The following ENTHD1 variants were observed in gnomAD, a reference collection of about 807,000 sequenced individuals.
ENTHD1 encodes the protein ENTH domain containing 1, also known as ENTH domain-containing protein 1.
Under a neutral mutation model 39.1 loss-of-function variants are expected in ENTHD1, and 23 were observed. The observed-to-expected ratio is 0.59, with a 90% CI of 0.42 to 0.83. ENTHD1 has a LOEUF of 0.83. Ranked by LOEUF, ENTHD1 falls within the 40% of genes least tolerant of loss-of-function variation. The pLI, the probability that ENTHD1 is intolerant of heterozygous loss-of-function variation, is 0.00. For missense variants in ENTHD1, 624 were observed against 705.4 expected (o/e 0.88, Z 1.31); for synonymous variants, 230 against 258.2 (o/e 0.89, Z 1.05).
At chr22:39,798,555 T>C (rs985206093) in intron 5 of ENTHD1, among the ~76,000 whole-genome samples, 1 of 152,084 alleles carries the variant, frequency 6.6e-6, no homozygotes, top group African/African-American at 2.4e-5. Flanking sequence ...CTGTGGTTGT[T>C]AGTAGGGGGC....
chr22:39,826,246 T>C (rs551572502), intron 4 of ENTHD1, among the ~76,000 whole-genome samples: 17 of 152,210 alleles, frequency 1.1e-4, no homozygotes, highest in Non-Finnish European at 2.4e-4. Context: ...GGTTATCTCT[T>C]GTCTCATCCT....
At chr22:39,863,759 T>C (rs1161879162) in intron 2 of ENTHD1, among the ~76,000 whole-genome samples, 1 of 152,198 alleles carries the variant, frequency 6.6e-6, no homozygotes, top group Non-Finnish European at 1.5e-5. Flanking sequence ...ATTAATGTTT[T>C]CTAACTATAA....
intron 5 of ENTHD1, among the ~76,000 whole-genome samples, chr22:39,779,407 T>C (rs986902891): frequency 6.6e-6 from 1 of 151,800 alleles, no homozygotes; most frequent in African/African-American, 2.4e-5. Flanking sequence ...AAGATCCAAA[T>C]AGAACTTCTA....
At chr22:39,852,452 C>T (rs1303614984) in intron 3 of ENTHD1, among the ~76,000 whole-genome samples, 6 of 152,048 alleles carry the variant, frequency 3.9e-5, no homozygotes, top group South Asian at 4.2e-4. Context: ...AATGGTTTTC[C>T]GAAACAAAAA....
chr22:39,774,093 A>ACAGAC (rs2065348925), intron 5 of ENTHD1, among the ~76,000 whole-genome samples: 1 of 152,186 alleles, frequency 6.6e-6, no homozygotes, highest in South Asian at 2.1e-4. Context: ...AGACGTCTTG[A>ACAGAC]CAGACAGGAT....
chr22:39,783,306 A>G (rs1056745181), intron 5 of ENTHD1, among the ~76,000 whole-genome samples: 16 of 151,856 alleles, frequency 1.1e-4, no homozygotes, highest in Non-Finnish European at 2.2e-4. Context: ...AAGATTTTCA[A>G]TGCTCAATGA....
chr22:39,778,039 G>A (rs920890958), intron 5 of ENTHD1, among the ~76,000 whole-genome samples: 1 of 152,184 alleles, frequency 6.6e-6, no homozygotes, highest in Non-Finnish European at 1.5e-5. Flanking sequence ...AACCCTACAG[G>A]TGATTATAGA....
chr22:39,813,627 C>A (rs1033934630), intron 5 of ENTHD1, among the ~76,000 whole-genome samples: 3 of 152,142 alleles, frequency 2.0e-5, no homozygotes, highest in African/African-American at 7.2e-5. Flanking sequence ...ATCTTAATGA[C>A]AAAATGTTTA....
chr22:39,891,476 T>TC (rs1491456468), intron 1 of ENTHD1, among the ~76,000 whole-genome samples: 3 of 100,644 alleles, frequency 3.0e-5, no homozygotes, highest in African/African-American at 1.5e-4. Flanking sequence ...TTATAATCAC[T>TC]TTTTTTTTTT....
At chr22:39,879,462 CAAAAAAAA>C (rs34372930) in intron 2 of ENTHD1, among the ~76,000 whole-genome samples, 6 of 16,454 alleles carry the variant, frequency 3.6e-4, no homozygotes, top group East Asian at 1.7e-3. Context: ...GACTCTGTCT[CAAAAAAAA>C]AAAAAAAAAA....
At chr22:39,892,876 G>A (rs541695008) in intron 1 of ENTHD1, among the ~76,000 whole-genome samples, 51 of 152,322 alleles carry the variant, frequency 3.3e-4, no homozygotes, top group African/African-American at 1.2e-3. Context: ...ATTAGGAGGT[G>A]TTACTGTTTT....
Position 39,843,567 on chromosome 22 carries a change from A to G in ENTHD1, c.593-7609T>C, listed in dbSNP as rs181035693. Among the ~76,000 whole-genome samples the G allele has an allele frequency of 5.4e-3, 829 of 152,164 alleles. 8 individuals are homozygous for G. Among genetic ancestry groups the G allele is most frequent in the Middle Eastern group, 0.02 (6 of 294 alleles). The stretch of plus-strand genomic sequence containing the variant: ...GTGGCACATGTATACATATGTAACT[A>G]ACCTGCACAATGTGCACATGTACCC... On this transcript the variant is annotated intron_variant, in intron 3 of 6. Coordinates refer to ENST00000325157, the MANE Select transcript of ENTHD1 (RefSeq NM_152512.4).
At position 39,823,713 on chromosome 22, in the gene ENTHD1, C is replaced by T. The variant is rs117581694; in HGVS notation, c.712-2600G>A. Among the ~76,000 whole-genome samples, 854 of 152,226 alleles carry T rather than the reference C, an allele frequency of 5.6e-3. 13 individuals carry two copies. Among genetic ancestry groups the T allele is most frequent in the Middle Eastern group, 0.041 (12 of 294 alleles). On this transcript the variant is annotated intron_variant, in intron 4 of 6. Transcript: ENST00000325157. The stretch of plus-strand genomic sequence containing the variant: ...GCAATTGCTGTTCATATAGTAGCCA[C>T]GTTTAGATTTATTAAAAACTACCAA...
intron 6 of ENTHD1, among the ~76,000 whole-genome samples, chr22:39,764,433 G>T (rs542989817): frequency 6.6e-6 from 1 of 152,158 alleles, no homozygotes; most frequent in African/African-American, 2.4e-5. Context: ...AGCTATGATT[G>T]CACTGATTGC....
chr22:39,859,376 C>G (rs1283879716), intron 3 of ENTHD1, among the ~76,000 whole-genome samples: 2 of 152,200 alleles, frequency 1.3e-5, no homozygotes, highest in Non-Finnish European at 2.9e-5. Context: ...ACTTAGCTAA[C>G]TGTTTGGCAC....
rs755963500 is a variant in ENTHD1, at chr22:39,835,957, TC to T, written c.593del (p.Arg198LysfsTer8). 1.3e-6 allele frequency: 2 copies of T among 1,599,304 alleles called. No homozygotes were observed. The highest frequency in any genetic ancestry group is 4.5e-5 in the East Asian group (2 of 44,346). ...GTTTCAATCCTGCCTTGCACACATTTCCTGTCAACAATATAAAGCTTAAGAT... is the reference window on the plus strand; with the variant it reads ...GTTTCAATCCTGCCTTGCACACATTTCTGTCAACAATATAAAGCTTAAGAT... ...LPKFGRLHNK[R>X]NVCKAGLKQE... is the part of the protein sequence containing the mutation. On this transcript the variant is annotated frameshift_variant and splice_region_variant, in exon 4 of 7. Transcript: ENST00000325157. LOFTEE classifies it high-confidence loss of function.
chr22:39,785,402 C>T (rs2065447488), intron 5 of ENTHD1, among the ~76,000 whole-genome samples: 1 of 152,252 alleles, frequency 6.6e-6, no homozygotes, highest in South Asian at 2.1e-4. Flanking sequence ...TTTCCCTTTT[C>T]TTATCTGGAA....
In ENTHD1 at chr22:39,815,015, G is replaced by A. The variant is rs75147514; in HGVS notation, c.832+5978C>T. The stretch of plus-strand genomic sequence containing the variant: ...TGTGATACTTAGGCTCCAGAATAAA[G>A]AACTCCTATAAATCAATTAAGAAAA... On this transcript the variant is annotated intron_variant, in intron 5 of 6. Coordinates refer to ENST00000325157, the MANE Select transcript of ENTHD1 (RefSeq NM_152512.4). 0.011 allele frequency among the ~76,000 whole-genome samples: 1,637 copies of A among 152,218 alleles called. 138 individuals carry two copies. The East Asian group carries it at 0.23, about 22-fold the overall frequency.
chr22:39,862,054 G>C (rs745820944), intron 2 of ENTHD1, 47 bp from the exon 3 acceptor site: 1 of 1,333,628 alleles, frequency 7.5e-7, no homozygotes, highest in Admixed American at 2.8e-5. Context: ...ACTAGTTAAG[G>C]CTATAATTAA....
Sources: gnomAD v4.1 joint callset for allele counts (sites outside exome capture counted in the v4.1 genomes callset) on GRCh38, gnomAD v4.1.1 for gene constraint, MANE v1.5 for transcripts, NCBI Gene and HGNC (gene_info 2026-07-23, HGNC 2026-07-21) for gene names.